The following MSRA variants were observed in gnomAD, a reference collection of about 807,000 sequenced individuals.
The protein encoded by MSRA is mitochondrial peptide methionine sulfoxide reductase.
Under a neutral mutation model 31.3 loss-of-function variants are expected in MSRA, and 54 were observed. That is an observed-to-expected ratio of 1.73 (90% confidence interval 1.39 to 2.17). The LOEUF is 2.17. Ranked by LOEUF, MSRA falls within the 30% of genes most tolerant of loss-of-function variation. The pLI, the probability that MSRA is intolerant of heterozygous loss-of-function variation, is 0.00. For synonymous variants in MSRA, 169 were observed against 116.5 expected, an observed-to-expected ratio of 1.45 and a Z score of -2.90; for missense variants, 507 against 300.9, an observed-to-expected ratio of 1.69 and a Z score of -5.07.
At chr8:10,388,743 G>A (rs904596454) in intron 5 of MSRA, among the ~76,000 whole-genome samples, 5 of 151,902 alleles carry the variant, frequency 3.3e-5, no homozygotes, top group Non-Finnish European at 4.4e-5. Context: ...GGCTTTTGAC[G>A]TTTGGAGCCA....
chr8:10,216,990 C>G (rs1214765487), intron 2 of MSRA, among the ~76,000 whole-genome samples: 1 of 152,176 alleles, frequency 6.6e-6, no homozygotes, highest in East Asian at 1.9e-4. Context: ...TATCATTTTC[C>G]AAAACGGCTA....
chr8:10,368,517 G>A (rs1805294920), intron 5 of MSRA, among the ~76,000 whole-genome samples: 2 of 152,230 alleles, frequency 1.3e-5, no homozygotes, highest in African/African-American at 4.8e-5. Context: ...GAGGGGCCGG[G>A]AGGCGACTCA....
At chr8:10,229,728 C>T (rs1236618397) in intron 2 of MSRA, among the ~76,000 whole-genome samples, 1 of 152,070 alleles carries the variant, frequency 6.6e-6, no homozygotes, top group Non-Finnish European at 1.5e-5. Context: ...TTAGAGAGTA[C>T]AGAGAATTTG....
chr8:10,308,720 C>G (rs1334887994), intron 4 of MSRA, among the ~76,000 whole-genome samples: 1 of 152,244 alleles, frequency 6.6e-6, no homozygotes. Flanking sequence ...TCGCCTTCAT[C>G]TGTTCCATTC....
At position 10,245,123 on chromosome 8, in the gene MSRA, A is replaced by T; in HGVS notation, c.231A>T (p.Gly77=). The change falls in exon 3 of 6, where the codon GGA becomes GGT. Residue 77 remains glycine, a synonymous_variant. Transcript: ENST00000317173. ...TTTAAGGAATGGGATGTTTCTGGGG[A>T]GCTGAAAGGAAATTCTGGGTCTTGA... is the stretch of plus-strand genomic sequence containing the variant. ...MAVFGMGCFW[G]AERKFWVLKG... 1 of 1,610,256 alleles carries T rather than the reference A, an allele frequency of 6.2e-7. No individual in the cohort carries two copies. The highest frequency in any genetic ancestry group is 8.5e-7 in the Non-Finnish European group (1 of 1,179,050).
intron 5 of MSRA, among the ~76,000 whole-genome samples, chr8:10,321,720 C>A (rs4840478): frequency 0.18 from 26,942 of 152,170 alleles, 3,177 homozygotes; most frequent in Non-Finnish European, 0.26. Context: ...AGCCAGTTGC[C>A]ACGTCATGAA....
At chr8:10,086,557 G>C (rs754270475) in intron 1 of MSRA, among the ~76,000 whole-genome samples, 1 of 152,220 alleles carries the variant, frequency 6.6e-6, no homozygotes, top group Non-Finnish European at 1.5e-5. Flanking sequence ...TCGGATGTCA[G>C]TTTCCTCATC....
chr8:10,124,702 T>A lies in MSRA; in HGVS notation c.142+70044T>A, dbSNP rs374156141. ...TTCAAACCAAATATCCACTTATCTTTCCTGAAATTTTGCAAGAAATCTATT... is the reference window on the plus strand; with the variant it reads ...TTCAAACCAAATATCCACTTATCTTACCTGAAATTTTGCAAGAAATCTATT... On this transcript the variant is annotated intron_variant, in intron 1 of 5. Coordinates refer to ENST00000317173, the MANE Select transcript of MSRA (RefSeq NM_012331.5). Among the ~76,000 whole-genome samples the A allele has an allele frequency of 2.2e-4, 33 of 152,354 alleles. 1 individual carries two copies. Among genetic ancestry groups the A allele is most frequent in the African/African-American group, 7.9e-4 (33 of 41,592 alleles).
chr8:10,417,118 C>T (rs964609626), intron 5 of MSRA, among the ~76,000 whole-genome samples: 14 of 152,208 alleles, frequency 9.2e-5, no homozygotes, highest in Admixed American at 9.2e-4. Flanking sequence ...TTTGCATAAG[C>T]AGGTCTCTTA....
At chr8:10,289,613 C>G (rs1199350200) in intron 3 of MSRA, among the ~76,000 whole-genome samples, 1 of 152,148 alleles carries the variant, frequency 6.6e-6, no homozygotes, top group Non-Finnish European at 1.5e-5. Context: ...AGTGCCTTTT[C>G]TCATCCATCG....
chr8:10,226,661 C>G (rs1386380642), intron 2 of MSRA, among the ~76,000 whole-genome samples: 1 of 152,182 alleles, frequency 6.6e-6, no homozygotes, highest in African/African-American at 2.4e-5. Flanking sequence ...GATGCCTCTT[C>G]GGCAAACTGG....
intron 5 of MSRA, among the ~76,000 whole-genome samples, chr8:10,369,304 C>A (rs376008849): frequency 2.5e-4 from 38 of 151,122 alleles, no homozygotes; most frequent in African/African-American, 7.3e-4. Flanking sequence ...AAGAAATAAT[C>A]TATTCATCCA....
chr8:10,407,368 G>T (rs1224566659), intron 5 of MSRA, among the ~76,000 whole-genome samples: 2 of 152,198 alleles, frequency 1.3e-5, no homozygotes, highest in African/African-American at 4.8e-5. Flanking sequence ...GAGGGTTGTG[G>T]CAGCAGTCCA....
At chr8:10,293,373 C>A (rs1290427457) in intron 3 of MSRA, among the ~76,000 whole-genome samples, 1 of 152,214 alleles carries the variant, frequency 6.6e-6, no homozygotes, top group Non-Finnish European at 1.5e-5. Context: ...TGGATGCCCT[C>A]CCCGCCCCAC....
chr8:10,095,555 T>G (rs567932806), intron 1 of MSRA: 3 of 983,520 alleles, frequency 3.1e-6, no homozygotes, highest in African/African-American at 3.5e-5. Context: ...AGCAAAAGAG[T>G]GAGAGAGAGA....
chr8:10,244,817 G>A (rs367567904), intron 2 of MSRA, among the ~76,000 whole-genome samples: 8 of 152,138 alleles, frequency 5.3e-5, no homozygotes, highest in African/African-American at 1.7e-4. Flanking sequence ...CCCCCTTACT[G>A]TGTTATTTGG....
At chr8:10,251,123 C>A (rs75802922) in intron 3 of MSRA, among the ~76,000 whole-genome samples, 1 of 151,880 alleles carries the variant, frequency 6.6e-6, no homozygotes, top group African/African-American at 2.4e-5. Context: ...TTTCCAAATG[C>A]GTGTGATTTT....
chr8:10,231,471 G>C (rs1811467948), intron 2 of MSRA, among the ~76,000 whole-genome samples: 1 of 152,172 alleles, frequency 6.6e-6, no homozygotes, highest in Admixed American at 6.5e-5. Flanking sequence ...CCCCAGGTGG[G>C]GATCCCCAGC....
intron 1 of MSRA, among the ~76,000 whole-genome samples, chr8:10,139,837 A>C (rs1427181739): frequency 6.6e-6 from 1 of 152,214 alleles, no homozygotes; most frequent in Non-Finnish European, 1.5e-5. Context: ...GTGTTGCTGA[A>C]AGTGTCCTGA....
Sources: allele counts gnomAD v4.1 joint callset (sites outside exome capture counted in the v4.1 genomes callset), GRCh38; gene constraint gnomAD v4.1.1; transcripts MANE v1.5; gene names NCBI Gene and HGNC (gene_info 2026-07-23, HGNC 2026-07-21).